Variants in ANXA10 observed in about 807,000 individuals in gnomAD.
ANXA10 encodes the protein annexin 14.
A neutral mutation model predicts 53.5 loss-of-function variants in ANXA10; 49 were observed. The ratio of observed to expected loss-of-function variants is 0.92; its 90% CI spans 0.73 to 1.16. The LOEUF is 1.16. ANXA10 is among the 50% of genes most tolerant of loss of function. The pLI is 0.00. For synonymous variants in ANXA10, 131 were observed against 128.9 expected, an observed-to-expected ratio of 1.02 and a Z score of -0.11; for missense variants, 393 against 394.4, an observed-to-expected ratio of 1.00 and a Z score of 0.03.
At position 168,123,301 on chromosome 4, in the gene ANXA10, T is replaced by C. The variant is rs1384261088; in HGVS notation, c.19-4783T>C. Among the ~76,000 whole-genome samples, 8 of 152,146 alleles carry C rather than the reference T, an allele frequency of 5.3e-5. 1 individual carries two copies. The highest frequency in any genetic ancestry group is 3.9e-4 in the Admixed American group (6 of 15,282). ...GGAAAAACAAAAAAAACCCAGACTTTATTTAAAAACTATTGCAATAGGGGA... is the reference window on the plus strand; with the variant it reads ...GGAAAAACAAAAAAAACCCAGACTTCATTTAAAAACTATTGCAATAGGGGA... On this transcript the variant is annotated intron_variant, in intron 1 of 11. Transcript: ENST00000359299.
chr4:168,127,710 A>G (rs1417637931), intron 1 of ANXA10: 1 of 456,540 alleles, frequency 2.2e-6, no homozygotes, highest in Non-Finnish European at 4.3e-6. Flanking sequence ...TGCAATTGAC[A>G]CACAAGTAAG....
At chr4:168,129,618 T>C (rs1002841608) in intron 2 of ANXA10, among the ~76,000 whole-genome samples, 1 of 152,094 alleles carries the variant, frequency 6.6e-6, no homozygotes, top group African/African-American at 2.4e-5. Context: ...GTTCTATCCA[T>C]CTCCATGACT....
At position 168,187,395 on chromosome 4, in the gene ANXA10, A is replaced by G. The variant is rs1456597533; in HGVS notation, c.936A>G (p.Ala312=). Residue 312 remains alanine (A), a synonymous_variant, in exon 12 of 12, where the codon GCA becomes GCG. Transcript: ENST00000359299. ...RNFASGHYKK[A]LLAICAGDAE... The stretch of plus-strand genomic sequence containing the variant: ...TTGCTTCAGGGCATTATAAGAAAGC[A>G]CTGCTTGCCATCTGTGCTGGTGATG... 1 of 1,599,708 alleles carries G rather than the reference A, an allele frequency of 6.3e-7. No individual in the cohort carries two copies. Among genetic ancestry groups the G allele is most frequent in the Non-Finnish European group, 8.5e-7 (1 of 1,172,054 alleles).
intron 1 of ANXA10, among the ~76,000 whole-genome samples, chr4:168,124,440 A>C (rs1431842579): frequency 6.6e-6 from 1 of 152,202 alleles, no homozygotes; most frequent in Non-Finnish European, 1.5e-5. Flanking sequence ...CTATCCAGGG[A>C]GTAAGGAATC....
At chr4:168,131,466 A>T (rs1731155896) in intron 2 of ANXA10, among the ~76,000 whole-genome samples, 1 of 152,034 alleles carries the variant, frequency 6.6e-6, no homozygotes, top group South Asian at 2.1e-4. Context: ...TAAGCATTCT[A>T]TAGATGTTAA....
chr4:168,141,818 C>A (rs76824029), intron 3 of ANXA10, among the ~76,000 whole-genome samples: 1 of 152,168 alleles, frequency 6.6e-6, no homozygotes, highest in African/African-American at 2.4e-5. Flanking sequence ...CAAGTCTCTG[C>A]CTTTTTTCAT....
chr4:168,117,286 G>A (rs530646153), intron 1 of ANXA10, among the ~76,000 whole-genome samples: 2 of 152,212 alleles, frequency 1.3e-5, no homozygotes, highest in South Asian at 4.1e-4. Flanking sequence ...ATCTCTGAAA[G>A]CAATTCTGAA....
At chr4:168,147,564 T>C (rs1731425515) in intron 3 of ANXA10, among the ~76,000 whole-genome samples, 1 of 152,202 alleles carries the variant, frequency 6.6e-6, no homozygotes, top group Non-Finnish European at 1.5e-5. Flanking sequence ...TTTAGGAGCA[T>C]TCACAGAAGA....
rs1387959760 is a variant in ANXA10, at chr4:168,179,313, G to A, written c.724+1G>A. 1 of 1,592,378 alleles carries A rather than the reference G, an allele frequency of 6.3e-7. No individual in the cohort carries two copies. ...TTTCAGGAGCTGCTGGTTGCAATTG[G>A]TAAGTAATAAATTATTTGAAGCACA... On this transcript the variant is annotated splice_donor_variant, in intron 9 of 11. Coordinates refer to ENST00000359299, the MANE Select transcript of ANXA10 (RefSeq NM_007193.5). LOFTEE classifies it high-confidence loss of function.
At chr4:168,165,352 C>A in intron 6 of ANXA10, 26 bp downstream of exon 6, 4 of 1,289,252 alleles carry the variant, frequency 3.1e-6, no homozygotes, top group African/African-American at 1.5e-5. Flanking sequence ...ATTTACATTA[C>A]TTTGCACTAT....
At chr4:168,182,706 A>C (rs1225414834) in intron 10 of ANXA10, among the ~76,000 whole-genome samples, 3 of 150,146 alleles carry the variant, frequency 2.0e-5, no homozygotes, top group Non-Finnish European at 4.4e-5. Flanking sequence ...CCATATCTAC[A>C]TGAAACAAAA....
chr4:168,128,305 AAAG>A (rs1696177432), intron 2 of ANXA10, 140 bp downstream of exon 2: 9 of 536,352 alleles, frequency 1.7e-5, no homozygotes, highest in Non-Finnish European at 2.9e-5. Context: ...AAAACTGAGC[AAAG>A]AAGTAGAATG....
At chr4:168,164,173 T>C (rs1401679942) in intron 4 of ANXA10, 25 bp from the exon 5 acceptor site, 1 of 1,507,278 alleles carries the variant, frequency 6.6e-7, no homozygotes, top group Admixed American at 1.7e-5. Flanking sequence ...TATCCTTACA[T>C]TTATCTCTTT....
chr4:168,163,905 A>G (rs1731828159), intron 4 of ANXA10, among the ~76,000 whole-genome samples: 1 of 152,202 alleles, frequency 6.6e-6, no homozygotes, highest in African/African-American at 2.4e-5. Context: ...GAAATGCTCA[A>G]TGCCATGAGC....
Position 168,128,160 on chromosome 4 carries a change from G to A in ANXA10, c.95G>A (p.Gly32Glu). 1.2e-6 allele frequency: 2 copies of A among 1,611,044 alleles called. No homozygotes were observed. The highest frequency in any genetic ancestry group is 1.7e-5 in the Admixed American group (1 of 59,842). Reference sequence around the variant, plus strand: ...CAAATGCTAGGAGGAGCACTCCAAGGATTTGGTAAGTCTGATTATTTCTAC... The same window carrying A: ...CAAATGCTAGGAGGAGCACTCCAAGAATTTGGTAAGTCTGATTATTTCTAC... ...DAQMLGGALQ[G>E]FDCDKDMLIN... Residue 32 changes from glycine to glutamate, a missense_variant, in exon 2 of 12, where the codon GGA (glycine) becomes GAA (glutamate). Gly to Glu is a moderately conservative substitution (Grantham distance 98, BLOSUM62 -2). Transcript: ENST00000359299.
intron 3 of ANXA10, among the ~76,000 whole-genome samples, chr4:168,145,887 T>C (rs527706528): frequency 6.6e-6 from 1 of 151,644 alleles, no homozygotes; most frequent in Admixed American, 6.6e-5. Flanking sequence ...ATGGTGGAGA[T>C]CATCAAATAC....
At chr4:168,099,961 C>T (rs191155449) in intron 1 of ANXA10, among the ~76,000 whole-genome samples, 28 of 152,192 alleles carry the variant, frequency 1.8e-4, no homozygotes, top group African/African-American at 4.6e-4. Context: ...AGGCTTCTTT[C>T]TCTCTCCTAC....
Position 168,179,241 on chromosome 4 carries a change from C to G in ANXA10, c.653C>G (p.Ser218Cys). The G allele has an allele frequency of 1.2e-6, 2 of 1,609,866 alleles. No homozygotes were observed. The highest frequency in any genetic ancestry group is 1.7e-6 in the Non-Finnish European group (2 of 1,178,256). ...RLVFQEFQNI[S>C]GQDMVDAINE... ...GTTTTCCAGGAATTTCAAAATATTT[C>G]TGGGCAAGATATGGTAGATGCCATT... Residue 218 changes from serine (S) to cysteine (C), a missense_variant, in exon 9 of 12, where the codon TCT (serine) becomes TGT (cysteine). By Grantham distance (112) the Ser-to-Cys change is moderately radical. Coordinates refer to ENST00000359299, the MANE Select transcript of ANXA10 (RefSeq NM_007193.5).
chr4:168,157,268 TA>T (rs11323936), intron 3 of ANXA10, among the ~76,000 whole-genome samples: 9,292 of 151,884 alleles, frequency 0.061, 378 homozygotes, highest in Non-Finnish European at 0.094. Flanking sequence ...CATTTCTTTA[TA>T]TTTTTTTTTC....
Sources: gnomAD v4.1 joint callset for allele counts (sites outside exome capture counted in the v4.1 genomes callset) on GRCh38, gnomAD v4.1.1 for gene constraint, MANE v1.5 for transcripts, NCBI Gene and HGNC (gene_info 2026-07-23, HGNC 2026-07-21) for gene names.